INTS6: variants seen among roughly 807,000 people sequenced by gnomAD.
INTS6 encodes DEAD box protein.
Under a neutral mutation model 104.9 loss-of-function variants are expected in INTS6, and 16 were observed. That is an observed-to-expected ratio of 0.15 (90% CI 0.10 to 0.23). The LOEUF is 0.23. Among genes scored for constraint, INTS6 ranks in the 10% least tolerant of loss-of-function variants. The pLI, the probability that INTS6 is intolerant of heterozygous loss-of-function variation, is 1.00. For missense variants in INTS6, 584 were observed against 1,062.8 expected (o/e 0.55, Z 6.26); for synonymous variants, 324 against 358.7 (o/e 0.90, Z 1.09).
chr13:51,398,364 G>C (rs1295811784), intron 4 of INTS6, among the ~76,000 whole-genome samples: 1 of 152,034 alleles, frequency 6.6e-6, no homozygotes, highest in East Asian at 1.9e-4. Flanking sequence ...AGAAAAATAT[G>C]CAATAAAAAT....
intron 4 of INTS6, among the ~76,000 whole-genome samples, chr13:51,406,468 GTTTC>G (rs1199413826): frequency 6.6e-6 from 1 of 151,900 alleles, no homozygotes; most frequent in Non-Finnish European, 1.5e-5. Context: ...CCTCCTCCCT[GTTTC>G]TTACACCCCC....
chr13:51,425,070 T>C (rs535903349), intron 4 of INTS6, among the ~76,000 whole-genome samples: 34 of 152,186 alleles, frequency 2.2e-4, no homozygotes, highest in African/African-American at 7.9e-4. Flanking sequence ...TTTCAGATAC[T>C]AGAAACTGAT....
At chr13:51,393,543 T>C (rs1956282691) in intron 5 of INTS6, among the ~76,000 whole-genome samples, 1 of 152,212 alleles carries the variant, frequency 6.6e-6, no homozygotes, top group Non-Finnish European at 1.5e-5. Flanking sequence ...AAACACATTA[T>C]TCAGAGATAT....
the INTS6 span, chr13:51,340,985 A>T: frequency 7.4e-7 from 1 of 1,343,444 alleles, no homozygotes; most frequent in Non-Finnish European, 1.0e-6. Flanking sequence ...CCCTAAAAAC[A>T]GAGCTGGGGG....
intron 4 of INTS6, among the ~76,000 whole-genome samples, chr13:51,420,030 T>C (rs1956866229): frequency 1.3e-5 from 2 of 152,212 alleles, no homozygotes; most frequent in Admixed American, 6.5e-5. Context: ...AACAGTGGAA[T>C]AGTTCCAGTA....
At chr13:51,426,941 T>C (rs1956995424) in intron 4 of INTS6, among the ~76,000 whole-genome samples, 1 of 152,126 alleles carries the variant, frequency 6.6e-6, no homozygotes, top group South Asian at 2.1e-4. Context: ...CAGTAACAAA[T>C]GTTATAACCT....
At chr13:51,375,306 C>G (rs1379974598) in intron 13 of INTS6, among the ~76,000 whole-genome samples, 1 of 145,454 alleles carries the variant, frequency 6.9e-6, no homozygotes, top group African/African-American at 2.6e-5. Flanking sequence ...GAGCCGAGAT[C>G]ACACCACTGC....
At chr13:51,448,998 A>G (rs1465620414) in intron 3 of INTS6, 1 of 152,228 alleles carries the variant, frequency 6.6e-6, no homozygotes, top group Non-Finnish European at 1.5e-5. Context: ...ATTCCTAATC[A>G]TTTATCCTTG....
Position 51,383,616 on chromosome 13 carries a change from T to C in INTS6, c.1020A>G (p.Glu340=). 1 of 1,613,948 alleles carries C rather than the reference T, an allele frequency of 6.2e-7. No individual in the cohort carries two copies. The highest frequency in any genetic ancestry group is 8.5e-7 in the Non-Finnish European group (1 of 1,179,934). The part of the protein sequence containing the change: ...EPSPLTQFIL[E]RKSPQTCWQV... ...GCCAACATGTTTGAGGAGATTTCCT[T>C]TCCAGGATAAATTGAGTCAGTGGTG... is the stretch of plus-strand genomic sequence containing the variant. Residue 340 remains glutamate (E), a synonymous_variant, in exon 8 of 18, where the codon GAA becomes GAG. Transcript: ENST00000311234.
At chr13:51,375,123 G>A (rs1419912138) in intron 13 of INTS6, among the ~76,000 whole-genome samples, 1 of 152,096 alleles carries the variant, frequency 6.6e-6, no homozygotes, top group Non-Finnish European at 1.5e-5. Context: ...GGCTGAGGCA[G>A]ACATCCGGAT....
At chr13:51,412,407 T>G (rs923102033) in intron 4 of INTS6, among the ~76,000 whole-genome samples, 1 of 152,194 alleles carries the variant, frequency 6.6e-6, no homozygotes, top group South Asian at 2.1e-4. Context: ...GCAAATGCCA[T>G]TTGACTTAGG....
intron 12 of INTS6, among the ~76,000 whole-genome samples, chr13:51,377,030 C>T (rs185876554): frequency 6.6e-6 from 1 of 152,182 alleles, no homozygotes; most frequent in African/African-American, 2.4e-5. Context: ...GGTTGCTCCA[C>T]ATTCTCATCA....
chr13:51,346,449 C>G, the INTS6 span, among the ~76,000 whole-genome samples: 1 of 152,148 alleles, frequency 6.6e-6, no homozygotes, highest in Non-Finnish European at 1.5e-5. Flanking sequence ...GAGCAGCATC[C>G]CAACCTGTTC....
chr13:51,385,417 T>G (rs1956126154), intron 7 of INTS6, among the ~76,000 whole-genome samples: 2 of 152,212 alleles, frequency 1.3e-5, no homozygotes, highest in Admixed American at 1.3e-4. Flanking sequence ...ACACAGTTTA[T>G]TGAATCAGTC....
intron 4 of INTS6, 100 bp from the exon 5 acceptor site, chr13:51,395,583 T>A: frequency 9.8e-7 from 1 of 1,018,400 alleles, no homozygotes; most frequent in Non-Finnish European, 1.4e-6. Flanking sequence ...TCAACTCTCC[T>A]ATCACTTGAA....
the INTS6 span, among the ~76,000 whole-genome samples, chr13:51,341,777 TTTA>T: frequency 6.6e-6 from 1 of 152,126 alleles, no homozygotes; most frequent in African/African-American, 2.4e-5. Flanking sequence ...GGATGATAAT[TTTA>T]TTATCATCCC....
At chr13:51,411,214 AAAATAAATAAATAAATAAAT>A (rs71085083) in intron 4 of INTS6, among the ~76,000 whole-genome samples, 6 of 143,068 alleles carry the variant, frequency 4.2e-5, no homozygotes, top group South Asian at 2.3e-4. Context: ...CTTTGTCTCA[AAAATAAATAAATAAATAAAT>A]AAATAAATAA....
At chr13:51,391,292 A>G (rs1438901065) in intron 5 of INTS6, among the ~76,000 whole-genome samples, 2 of 152,190 alleles carry the variant, frequency 1.3e-5, no homozygotes, top group Non-Finnish European at 2.9e-5. Flanking sequence ...TATATAAACT[A>G]TGACAATTAT....
intron 3 of INTS6, chr13:51,354,452 T>C (rs892896560): frequency 6.6e-6 from 1 of 152,114 alleles, no homozygotes; most frequent in Non-Finnish European, 1.5e-5. Flanking sequence ...TTAATTTTTA[T>C]TAAGAAATAC....
Sources: gnomAD v4.1 joint callset for allele counts (sites outside exome capture counted in the v4.1 genomes callset) on GRCh38, gnomAD v4.1.1 for gene constraint, MANE v1.5 for transcripts, NCBI Gene and HGNC (gene_info 2026-07-23, HGNC 2026-07-21) for gene names.